CREBBP: variants seen among roughly 807,000 people sequenced by gnomAD.
CREBBP encodes the protein CREB binding lysine acetyltransferase.
CREBBP carries 19 observed loss-of-function variants against 265.0 expected under a neutral mutation model. The ratio of observed to expected loss-of-function variants is 0.07; its 90% CI spans 0.05 to 0.11. The LOEUF is 0.11. Among genes scored for constraint, CREBBP ranks in the 10% least tolerant of loss-of-function variants. The pLI is 1.00. For missense variants in CREBBP, 2,525 were observed against 3,219.0 expected (o/e 0.78, Z 5.22); for synonymous variants, 1,457 against 1,223.7 (o/e 1.19, Z -3.98).
intron 2 of CREBBP, among the ~76,000 whole-genome samples, chr16:3,830,197 G>A (rs2054315747): frequency 6.6e-6 from 1 of 152,096 alleles, no homozygotes; most frequent in Non-Finnish European, 1.5e-5. Context: ...AGGAGTTTGA[G>A]ACCAGCCTGG....
chr16:3,858,982 A>G (rs2055018251), intron 1 of CREBBP, among the ~76,000 whole-genome samples: 1 of 152,012 alleles, frequency 6.6e-6, no homozygotes, highest in Non-Finnish European at 1.5e-5. Context: ...CCTCCCACAC[A>G]TATTTTCTCT....
In CREBBP at chr16:3,873,432, G is replaced by A. The variant is rs28702943; in HGVS notation, c.85+6400C>T. ...CTGCTGAGGTGCTACACTATCACAC[G>A]CGTGCCTGCACACTGGTTTCTGTGG... On this transcript the variant is annotated intron_variant, in intron 1 of 30. Coordinates refer to ENST00000262367, the MANE Select transcript of CREBBP (RefSeq NM_004380.3). Among the ~76,000 whole-genome samples, 5 of 152,272 alleles carry A rather than the reference G, an allele frequency of 3.3e-5. No individual in the cohort carries two copies. In the East Asian group the frequency reaches 5.8e-4, roughly 18 times the overall value.
intron 2 of CREBBP, chr16:3,813,189 C>T (rs1029092654): frequency 2.6e-5 from 6 of 228,458 alleles, no homozygotes; most frequent in East Asian, 1.3e-4. Flanking sequence ...GCATTTCATA[C>T]GCAGGTGATT....
At chr16:3,827,312 G>A (rs183938061) in intron 2 of CREBBP, among the ~76,000 whole-genome samples, 1 of 152,070 alleles carries the variant, frequency 6.6e-6, no homozygotes, top group Non-Finnish European at 1.5e-5. Flanking sequence ...AAAAAACTCA[G>A]AACATAAAAA....
At chr16:3,754,653 G>C (rs929807694) in intron 19 of CREBBP, among the ~76,000 whole-genome samples, 3 of 152,138 alleles carry the variant, frequency 2.0e-5, no homozygotes, top group African/African-American at 7.2e-5. Context: ...GATATCTATA[G>C]ATAATACTTA....
At chr16:3,823,957 AAC>A (rs57902688) in intron 2 of CREBBP, among the ~76,000 whole-genome samples, 41,569 of 147,854 alleles carry the variant, frequency 0.28, 6,237 homozygotes, top group Non-Finnish European at 0.36. Flanking sequence ...AGGCTGTGGC[AAC>A]ACACACACAC....
Position 3,739,707 on chromosome 16 carries a change from T to A in CREBBP, c.4151A>T (p.Glu1384Val). The change falls in exon 25 of 31, where the codon GAA becomes GTA. Residue 1384 changes from glutamate (E) to valine (V), a missense_variant. By Grantham distance (121) the Glu-to-Val change is moderately radical. Transcript: ENST00000262367. ...GMKSRFVDSG[E>V]MSESFPYRTK... ...TCGATATGGGAAAGATTCAGACATT[T>A]CCCCAGAATCCACAAACCTGAAACA... The A allele has an allele frequency of 6.2e-7, 1 of 1,614,174 alleles. No individual in the cohort carries two copies. Among genetic ancestry groups the A allele is most frequent in the Non-Finnish European group, 8.5e-7 (1 of 1,180,034 alleles).
At chr16:3,805,863 G>C (rs1017806417) in intron 3 of CREBBP, among the ~76,000 whole-genome samples, 20 of 152,118 alleles carry the variant, frequency 1.3e-4, no homozygotes, top group African/African-American at 3.9e-4. Flanking sequence ...ACGAGTTCCA[G>C]CAGAACACAA....
intron 4 of CREBBP, among the ~76,000 whole-genome samples, chr16:3,792,696 G>T (rs1348378480): frequency 5.9e-5 from 9 of 152,212 alleles, no homozygotes; most frequent in Admixed American, 5.9e-4. Flanking sequence ...GAGACCAGGG[G>T]GAGATTCCCC....
In CREBBP at chr16:3,731,531, G is replaced by C. The variant is rs1050183597; in HGVS notation, c.4891-58C>G. 1 of 1,548,732 alleles carries C rather than the reference G, an allele frequency of 6.5e-7. No homozygotes were observed. Among genetic ancestry groups the C allele is most frequent in the Non-Finnish European group, 8.7e-7 (1 of 1,149,262 alleles). ...AGGGACATGGCACCTCCAGTGGTGA[G>C]CTCAGGGCAGGCGCAGCCACCCAGC... On this transcript the variant is annotated intron_variant, in intron 29 of 30. Coordinates refer to ENST00000262367, the MANE Select transcript of CREBBP (RefSeq NM_004380.3). The surrounding 1 kb of genome is among the most constrained non-coding windows in gnomAD (Gnocchi z 7.7).
At chr16:3,875,233 GC>G (rs1242331327) in intron 1 of CREBBP, among the ~76,000 whole-genome samples, 2 of 152,292 alleles carry the variant, frequency 1.3e-5, no homozygotes, top group Non-Finnish European at 1.5e-5. Context: ...CCTCTAAGGC[GC>G]CCTGCACATG....
At chr16:3,768,136 GTT>G (rs71133655) in intron 15 of CREBBP, among the ~76,000 whole-genome samples, 29 of 51,604 alleles carry the variant, frequency 5.6e-4, no homozygotes, top group African/African-American at 1.7e-3. Context: ...ATTTAAAAGT[GTT>G]TTTTTTTTTT....
chr16:3,784,698 C>T (rs2053347648), intron 5 of CREBBP, among the ~76,000 whole-genome samples: 1 of 152,184 alleles, frequency 6.6e-6, no homozygotes, highest in African/African-American at 2.4e-5. Context: ...CTTCCATTTC[C>T]CGTAAACCCT....
chr16:3,806,770 G>T (rs1306343869), intron 3 of CREBBP, among the ~76,000 whole-genome samples: 1 of 151,964 alleles, frequency 6.6e-6, no homozygotes, highest in African/African-American at 2.4e-5. Flanking sequence ...TTCCCTCCAA[G>T]GCCCCCTGAA....
At chr16:3,835,262 T>C (rs995201247) in intron 2 of CREBBP, among the ~76,000 whole-genome samples, 14 of 143,274 alleles carry the variant, frequency 9.8e-5, no homozygotes, top group African/African-American at 3.7e-4. Context: ...GGTACAGGGA[T>C]TTTTTTTTTC....
intron 3 of CREBBP, among the ~76,000 whole-genome samples, chr16:3,795,493 A>G (rs1387152298): frequency 6.6e-6 from 1 of 152,078 alleles, no homozygotes; most frequent in Non-Finnish European, 1.5e-5. Flanking sequence ...TCTGCCCCAT[A>G]CCACTAAACT....
In CREBBP at chr16:3,731,907, T is replaced by G; in HGVS notation, c.4759A>C (p.Lys1587Gln). ...GSQGDSKNAK[K>Q]KNNKKTNKNK... ...TTGTTGGTTTTCTTGTTGTTCTTCT[T>G]CTTGGCATTCTTGCTGTCGCCCTGA... Residue 1587 changes from lysine to glutamine, a missense_variant, in exon 29 of 31, where the codon AAG becomes CAG. Physicochemically the swap from Lys to Gln is moderately conservative, Grantham distance 53. This residue lies in a region of CREBBP where 93 missense variants were observed against 161.5 expected (regional missense o/e 0.58). Coordinates refer to ENST00000262367, the MANE Select transcript of CREBBP (RefSeq NM_004380.3). The surrounding 1 kb of genome is among the most constrained non-coding windows in gnomAD (Gnocchi z 7.7). The G allele has an allele frequency of 6.2e-7, 1 of 1,614,256 alleles. No homozygotes were observed. Among genetic ancestry groups the G allele is most frequent in the Non-Finnish European group, 8.5e-7 (1 of 1,180,046 alleles).
intron 3 of CREBBP, among the ~76,000 whole-genome samples, chr16:3,804,823 T>C (rs889144883): frequency 1.3e-5 from 2 of 152,206 alleles, no homozygotes; most frequent in African/African-American, 2.4e-5. Flanking sequence ...ATGAGTATCT[T>C]TGAGATGATT....
intron 25 of CREBBP, among the ~76,000 whole-genome samples, chr16:3,739,134 T>C (rs1449955154): frequency 1.3e-5 from 2 of 152,188 alleles, no homozygotes; most frequent in Non-Finnish European, 2.9e-5. Context: ...ATCAGTTAAA[T>C]GGAATTCAGT....
Sources: allele counts gnomAD v4.1 joint callset (sites outside exome capture counted in the v4.1 genomes callset), GRCh38; gene constraint gnomAD v4.1.1; regional missense constraint gnomAD v4.1.1; non-coding constraint Gnocchi (gnomAD v3.1); transcripts MANE v1.5; gene names NCBI Gene and HGNC (gene_info 2026-07-23, HGNC 2026-07-21).